Variants in SH3TC1 observed in about 807,000 individuals in gnomAD.
SH3TC1 encodes SH3 domain and tetratricopeptide repeats 1.
A neutral mutation model predicts 117.3 loss-of-function variants in SH3TC1; 135 were observed. That is an observed-to-expected ratio of 1.15 (90% confidence interval 1.00 to 1.33). The LOEUF (loss-of-function observed/expected upper bound fraction) is 1.33. Among genes scored for constraint, SH3TC1 ranks in the 40% most tolerant of loss-of-function variants. The pLI, the probability that SH3TC1 is intolerant of heterozygous loss-of-function variation, is 0.00. For synonymous variants in SH3TC1, 898 were observed against 816.9 expected (o/e 1.10, Z -1.69); for missense variants, 2,092 against 1,794.3 (o/e 1.17, Z -3.00).
Position 8,210,130 on chromosome 4 carries a change from G to A in SH3TC1, c.247+308G>A, listed in dbSNP as rs530708597. Among the ~76,000 whole-genome samples the A allele has an allele frequency of 1.3e-5, 2 of 152,316 alleles. No individual in the cohort carries two copies. The highest frequency in any genetic ancestry group is 1.9e-4 in the East Asian group (1 of 5,174). ...GCTTCACAGGTGCCATATGGTAAGAGGTAGACGAAAGTACCCACTGCGTCG... is the reference window on the plus strand; with the variant it reads ...GCTTCACAGGTGCCATATGGTAAGAAGTAGACGAAAGTACCCACTGCGTCG... On this transcript the variant is annotated intron_variant, in intron 3 of 17. Coordinates refer to ENST00000245105, the MANE Select transcript of SH3TC1 (RefSeq NM_018986.5). This position sits in a 1 kb window ranked among gnomAD's most constrained non-coding sequence, Gnocchi z 4.1.
rs753657189 is a variant in SH3TC1 at position 8,209,633 on chromosome 4, G to A, written c.173-115G>A. ...AAGGCAGCTGTGGGAAAGGCGGCTC[G>A]TGCGGGACAGAACTCACCTCTTTTC... On this transcript the variant is annotated intron_variant, in intron 2 of 17. Transcript: ENST00000245105. The surrounding 1 kb of genome is among the most constrained non-coding windows in gnomAD (Gnocchi z 5.9). 1.1e-5 allele frequency: 17 copies of A among 1,545,924 alleles called. No individual in the cohort carries two copies. The highest frequency in any genetic ancestry group is 6.8e-5 in the African/African-American group (5 of 73,396).
rs941084537 is a variant in SH3TC1 at position 8,190,112 on chromosome 4, C to T, written c.-57+7902C>T. Among the ~76,000 whole-genome samples, 9 of 152,182 alleles carry T rather than the reference C, an allele frequency of 5.9e-5. No homozygotes were observed. Among genetic ancestry groups the T allele is most frequent in the Non-Finnish European group, 1.0e-4 (7 of 68,022 alleles). On this transcript the variant is annotated intron_variant, in intron 1 of 16. Transcript: ENST00000508641. The surrounding 1 kb of genome is among the most constrained non-coding windows in gnomAD (Gnocchi z 4.7). ...TTTGCTGGGAGGCGGCAGCACTGGC[C>T]GCAGGTGCCTGCGATCACCAGTGTG...
chr4:8,205,548 C>T lies in SH3TC1; in HGVS notation c.172+182C>T, dbSNP rs568103123. ...CGTGTGTTTAACAGGAGCCACTGTG[C>T]CCGCTGAGTCACTTGAGAGGCCAGG... On this transcript the variant is annotated intron_variant, in intron 2 of 17. Coordinates refer to ENST00000245105, the MANE Select transcript of SH3TC1 (RefSeq NM_018986.5). This position sits in a 1 kb window ranked among gnomAD's most constrained non-coding sequence, Gnocchi z 5.4. The T allele has an allele frequency of 2.7e-5, 24 of 892,326 alleles. 1 individual carries two copies. The South Asian group carries it at 2.7e-4, about 10-fold the overall frequency. The allele number at this position is 892,326 out of a possible 1,614,324, so 55.3% of individuals were successfully genotyped here.
intron 1 of SH3TC1, among the ~76,000 whole-genome samples, chr4:8,189,139 T>C (rs1165346733): frequency 1.8e-4 from 27 of 152,268 alleles, no homozygotes; most frequent in Admixed American, 1.8e-3. Flanking sequence ...CATGGGGCTG[T>C]TGGCTCCCAC....
rs1040272672 is a variant in SH3TC1 at position 8,227,468 on chromosome 4, G to A, written c.1774G>A (p.Gly592Ser). Reference sequence around the variant, plus strand: ...TGAGGAAGCGCTGGGGGCCCTGGAGGGCAGCTTCGGGGACCTGTTCCTAGT... The same window carrying A: ...TGAGGAAGCGCTGGGGGCCCTGGAGAGCAGCTTCGGGGACCTGTTCCTAGT... ...YFEEALGALEGSFGDLFLVVA... is the reference protein window; with the variant it reads ...YFEEALGALESSFGDLFLVVA... The change falls in exon 12 of 18, where the codon GGC becomes AGC. Residue 592 changes from glycine (G) to serine (S), a missense_variant. Transcript: ENST00000245105. The A allele has an allele frequency of 1.9e-6, 3 of 1,564,810 alleles. No individual in the cohort carries two copies. Among genetic ancestry groups the A allele is most frequent in the South Asian group, 2.4e-5 (2 of 81,900 alleles).
At chr4:8,191,792 G>A (rs566861949) in intron 1 of SH3TC1, among the ~76,000 whole-genome samples, 9 of 152,044 alleles carry the variant, frequency 5.9e-5, no homozygotes, top group African/African-American at 1.9e-4. Flanking sequence ...GGAGGTGTGC[G>A]GGGCCATCTT....
chr4:8,205,277 C>T lies in SH3TC1; in HGVS notation c.83C>T (p.Thr28Ile). ...GPVGPSGGGS[T>I]RDQVRTVVMR... ...GTGGGACCCTCAGGAGGTGGCAGCA[C>T]CCGGGACCAGGTCCGGACTGTGGTC... The change falls in exon 2 of 18, where the codon ACC becomes ATC. Residue 28 changes from threonine to isoleucine, a missense_variant. By Grantham distance (89) the Thr-to-Ile change is moderately conservative (BLOSUM62 -1). Transcript: ENST00000245105. This position sits in a 1 kb window ranked among gnomAD's most constrained non-coding sequence, Gnocchi z 5.4. The T allele has an allele frequency of 6.4e-7, 1 of 1,550,578 alleles. No homozygotes were observed. Among genetic ancestry groups the T allele is most frequent in the Non-Finnish European group, 8.7e-7 (1 of 1,147,078 alleles).
chr4:8,204,097 C>T (rs1306792950), intron 1 of SH3TC1, among the ~76,000 whole-genome samples: 1 of 152,216 alleles, frequency 6.6e-6, no homozygotes, highest in African/African-American at 2.4e-5. Flanking sequence ...GCCAGACTTG[C>T]ACTTTTGCTC....
chr4:8,184,040 C>T (rs992802113), intron 1 of SH3TC1, among the ~76,000 whole-genome samples: 14 of 152,284 alleles, frequency 9.2e-5, no homozygotes, highest in Admixed American at 2.0e-4. Context: ...TGAGCCACTG[C>T]GCCTGGCCGT....
At chr4:8,204,387 A>T (rs1231121151) in intron 1 of SH3TC1, among the ~76,000 whole-genome samples, 1 of 152,040 alleles carries the variant, frequency 6.6e-6, no homozygotes, top group African/African-American at 2.4e-5. Flanking sequence ...TTCTCACCAC[A>T]CATCAGGCAC....
rs1394616049 is a variant in SH3TC1, at chr4:8,209,652, T to C, written c.173-96T>C. On this transcript the variant is annotated intron_variant, in intron 2 of 17. Coordinates refer to ENST00000245105, the MANE Select transcript of SH3TC1 (RefSeq NM_018986.5). This position sits in a 1 kb window ranked among gnomAD's most constrained non-coding sequence, Gnocchi z 5.9. ...CGGCTCGTGCGGGACAGAACTCACCTCTTTTCTTGCAGAGAGACCTGGAGC... is the reference window on the plus strand; with the variant it reads ...CGGCTCGTGCGGGACAGAACTCACCCCTTTTCTTGCAGAGAGACCTGGAGC... 1 of 1,568,008 alleles carries C rather than the reference T, an allele frequency of 6.4e-7. No homozygotes were observed. Among genetic ancestry groups the C allele is most frequent in the Non-Finnish European group, 8.6e-7 (1 of 1,157,480 alleles).
intron 2 of SH3TC1, among the ~76,000 whole-genome samples, chr4:8,208,852 G>T (rs1306941480): frequency 6.6e-6 from 1 of 152,244 alleles, no homozygotes; most frequent in African/African-American, 2.4e-5. Context: ...GGCGCCCAGG[G>T]CTCTGAGTGA....
intron 6 of SH3TC1, 81 bp downstream of exon 6, chr4:8,216,338 T>C (rs928666323): frequency 9.8e-6 from 15 of 1,535,940 alleles, no homozygotes; most frequent in African/African-American, 4.1e-5. Flanking sequence ...TGGATCCCGC[T>C]GTGCTGAGCA....
chr4:8,193,309 C>A (rs551732998), intron 1 of SH3TC1, among the ~76,000 whole-genome samples: 1 of 152,218 alleles, frequency 6.6e-6, no homozygotes, highest in African/African-American at 2.4e-5. Context: ...CTGAGAGTCA[C>A]TTTTATGGCA....
chr4:8,232,979 T>C, intron 13 of SH3TC1: 1 of 1,196,060 alleles, frequency 8.4e-7, no homozygotes, highest in Non-Finnish European at 1.1e-6. Flanking sequence ...GCCAGCAAGC[T>C]ATATGGACAG....
chr4:8,233,467 T>C lies in SH3TC1; in HGVS notation c.3236T>C (p.Ile1079Thr), dbSNP rs925186611. Residue 1079 changes from isoleucine to threonine, a missense_variant, in exon 14 of 18, where the codon ATC (isoleucine) becomes ACC (threonine). Physicochemically the swap from Ile to Thr is moderately conservative, Grantham distance 89 (BLOSUM62 -1). Coordinates refer to ENST00000245105, the MANE Select transcript of SH3TC1 (RefSeq NM_018986.5). ...EAHAWLQAGK[I>T]YYILRQSELV... ...CATGCCTGGCTGCAAGCAGGGAAGA[T>C]CTATTACATCTTGCGGCAGAGCGAG... The C allele has an allele frequency of 3.7e-6, 6 of 1,613,638 alleles. No homozygotes were observed. Among genetic ancestry groups the C allele is most frequent in the Non-Finnish European group, 5.1e-6 (6 of 1,179,882 alleles).
chr4:8,233,683 T>TTCCA (rs1373504586), intron 14 of SH3TC1, among the ~76,000 whole-genome samples, 170 bp downstream of exon 14: 2 of 149,926 alleles, frequency 1.3e-5, no homozygotes, highest in East Asian at 2.0e-4. Context: ...CTATGGGTCC[T>TTCCA]TCCATCCATC....
intron 1 of SH3TC1, among the ~76,000 whole-genome samples, chr4:8,184,904 ACAG>A (rs1384088004): frequency 1.6e-3 from 58 of 35,534 alleles, no homozygotes; most frequent in African/African-American, 3.3e-3. Flanking sequence ...CATTTGTGAT[ACAG>A]TTAATTGTTT....
At chr4:8,188,832 G>C (rs566759913) in intron 1 of SH3TC1, among the ~76,000 whole-genome samples, 2 of 152,348 alleles carry the variant, frequency 1.3e-5, no homozygotes, top group South Asian at 4.1e-4. Flanking sequence ...CTGCTGCCTG[G>C]AGCCTGCACT....
Sources: gnomAD v4.1 joint callset for allele counts (sites outside exome capture counted in the v4.1 genomes callset) on GRCh38, gnomAD v4.1.1 for gene constraint, Gnocchi (gnomAD v3.1) non-coding constraint, MANE v1.5 for transcripts, NCBI Gene and HGNC (gene_info 2026-07-23, HGNC 2026-07-21) for gene names.